The following PLCL1 variants were observed in gnomAD, a reference collection of about 807,000 sequenced individuals.
PLCL1 encodes phospholipase C like 1 (inactive), also known as inactive phospholipase C-like protein 1.
PLCL1 carries 41 observed loss-of-function variants against 84.4 expected under a neutral mutation model. That is an observed-to-expected ratio of 0.49 (90% confidence interval 0.38 to 0.63). The LOEUF (loss-of-function observed/expected upper bound fraction) is 0.63. Among genes scored for constraint, PLCL1 ranks in the 30% least tolerant of loss-of-function variants. PLCL1 has a pLI of 0.00. For synonymous variants in PLCL1, 490 were observed against 488.3 expected (o/e 1.00, Z -0.05); for missense variants, 1,206 against 1,367.8 (o/e 0.88, Z 1.87).
chr2:198,030,766 T>G lies in PLCL1; in HGVS notation c.241-52992T>G, dbSNP rs80103359. 9.0e-3 allele frequency among the ~76,000 whole-genome samples: 1,372 copies of G among 152,282 alleles called. 21 individuals carry two copies. Among genetic ancestry groups the G allele is most frequent in the African/African-American group, 0.031 (1,308 of 41,554 alleles). On this transcript the variant is annotated intron_variant, in intron 1 of 5. Coordinates refer to ENST00000428675, the MANE Select transcript of PLCL1 (RefSeq NM_006226.4). Reference sequence around the variant, plus strand: ...GGAGCAATCTCACCAAGTTTACAGTTAGCACACTGCAGAGGCGGAATTCTC... The same window carrying G: ...GGAGCAATCTCACCAAGTTTACAGTGAGCACACTGCAGAGGCGGAATTCTC...
chr2:198,130,808 C>T (rs532440425), intron 5 of PLCL1, among the ~76,000 whole-genome samples: 22 of 152,286 alleles, frequency 1.4e-4, no homozygotes, highest in African/African-American at 5.3e-4. Context: ...ATTCCCATAG[C>T]CGTCACCTTA....
intron 5 of PLCL1, among the ~76,000 whole-genome samples, chr2:198,141,454 G>A (rs544830054): frequency 1.3e-4 from 18 of 142,396 alleles, no homozygotes; most frequent in South Asian, 4.3e-4. Context: ...TCCAAACAGC[G>A]TAACATACCA....
intron 1 of PLCL1, among the ~76,000 whole-genome samples, chr2:197,906,192 G>T (rs1273364329): frequency 6.6e-6 from 1 of 152,072 alleles, no homozygotes; most frequent in Non-Finnish European, 1.5e-5. Context: ...CGTTTTTATG[G>T]TTTCAGGTCT....
At chr2:198,037,592 C>A (rs1047714086) in intron 1 of PLCL1, among the ~76,000 whole-genome samples, 1 of 152,160 alleles carries the variant, frequency 6.6e-6, no homozygotes, top group Admixed American at 6.5e-5. Flanking sequence ...ACTCAGCATT[C>A]TCTTTATAAA....
At chr2:197,876,490 A>AT (rs928022545) in intron 1 of PLCL1, among the ~76,000 whole-genome samples, 69 of 149,774 alleles carry the variant, frequency 4.6e-4, no homozygotes, top group Middle Eastern at 3.4e-3. Context: ...CTTAGAGAAC[A>AT]TTTTTTTTTT....
chr2:198,146,714 G>A (rs1694525131), intron 5 of PLCL1, 66 bp from the exon 6 acceptor site: 1 of 1,335,352 alleles, frequency 7.5e-7, no homozygotes, highest in African/African-American at 1.5e-5. Context: ...AACATAGAGT[G>A]ATGTCACTCA....
At chr2:198,066,858 G>A (rs1302298870) in intron 1 of PLCL1, among the ~76,000 whole-genome samples, 1 of 152,030 alleles carries the variant, frequency 6.6e-6, no homozygotes, top group African/African-American at 2.4e-5. Context: ...CAGGGGATGC[G>A]TAGTACCCCA....
intron 1 of PLCL1, among the ~76,000 whole-genome samples, chr2:198,047,230 C>G (rs1691827478): frequency 6.6e-6 from 1 of 151,864 alleles, no homozygotes; most frequent in South Asian, 2.1e-4. Flanking sequence ...TGTCGCCAGG[C>G]TGGAGTTCAG....
At chr2:198,069,247 T>C (rs914674048) in intron 1 of PLCL1, among the ~76,000 whole-genome samples, 1 of 151,614 alleles carries the variant, frequency 6.6e-6, no homozygotes, top group African/African-American at 2.4e-5. Context: ...TCCCAGCACT[T>C]TGGGAGACTG....
At chr2:197,873,826 A>G (rs987894800) in intron 1 of PLCL1, among the ~76,000 whole-genome samples, 6 of 152,156 alleles carry the variant, frequency 3.9e-5, no homozygotes, top group South Asian at 4.1e-4. Flanking sequence ...ATCTGAGCTT[A>G]AATTGCGATG....
intron 5 of PLCL1, among the ~76,000 whole-genome samples, chr2:198,130,204 C>T (rs1442829021): frequency 6.6e-6 from 1 of 152,234 alleles, no homozygotes; most frequent in Non-Finnish European, 1.5e-5. Flanking sequence ...ATTTCCCAGG[C>T]TGACTCCCCA....
At chr2:198,080,082 AT>A (rs1352577748) in intron 1 of PLCL1, among the ~76,000 whole-genome samples, 1 of 152,188 alleles carries the variant, frequency 6.6e-6, no homozygotes, top group African/African-American at 2.4e-5. Flanking sequence ...GTTTATAAAA[AT>A]CTCCTGGAAA....
rs1691123464 is a variant in PLCL1 at position 197,833,826 on chromosome 2, A to G, written c.240+28487A>G. Among the ~76,000 whole-genome samples the G allele has an allele frequency of 3.9e-5, 6 of 152,238 alleles. No individual in the cohort carries two copies. In the South Asian group the frequency reaches 1.2e-3, roughly 32 times the overall value. ...ATTAGAAAAAACTGGTTCAAATTTC[A>G]TATGGAACCAAAAAAGAGCTGGTAT... On this transcript the variant is annotated intron_variant, in intron 1 of 5. Transcript: ENST00000428675.
intron 1 of PLCL1, among the ~76,000 whole-genome samples, chr2:197,991,573 T>C (rs543770444): frequency 6.6e-6 from 1 of 152,314 alleles, no homozygotes; most frequent in Admixed American, 6.5e-5. Context: ...TTATTATTGT[T>C]CTGGTTTGAA....
intron 1 of PLCL1, among the ~76,000 whole-genome samples, chr2:198,051,212 A>G (rs1691921406): frequency 6.6e-6 from 1 of 152,236 alleles, no homozygotes; most frequent in Non-Finnish European, 1.5e-5. Flanking sequence ...TTCCATATCT[A>G]GGGAAAAACA....
intron 1 of PLCL1, among the ~76,000 whole-genome samples, chr2:197,888,070 C>T (rs947660831): frequency 1.2e-4 from 18 of 150,108 alleles, no homozygotes; most frequent in Admixed American, 2.7e-4. Context: ...CTAGCCTGGG[C>T]GACAGTGAGA....
intron 1 of PLCL1, among the ~76,000 whole-genome samples, chr2:197,821,305 C>A (rs998396534): frequency 1.1e-4 from 17 of 152,142 alleles, no homozygotes; most frequent in Non-Finnish European, 2.2e-4. Flanking sequence ...AATATTTATA[C>A]ATGAACTTCT....
At chr2:197,974,316 C>G (rs965602754) in intron 1 of PLCL1, among the ~76,000 whole-genome samples, 1 of 152,154 alleles carries the variant, frequency 6.6e-6, no homozygotes, top group African/African-American at 2.4e-5. Flanking sequence ...ATTTGGGAAC[C>G]ATTGGCATGG....
chr2:197,958,394 T>C (rs1689534390), intron 1 of PLCL1, among the ~76,000 whole-genome samples: 1 of 151,944 alleles, frequency 6.6e-6, no homozygotes, highest in Admixed American at 6.6e-5. Flanking sequence ...AAACTCATCA[T>C]ATTTTAAGAA....
Sources: allele counts gnomAD v4.1 joint callset (sites outside exome capture counted in the v4.1 genomes callset), GRCh38; gene constraint gnomAD v4.1.1; transcripts MANE v1.5; gene names NCBI Gene and HGNC (gene_info 2026-07-23, HGNC 2026-07-21).